CNTNAP2: variants seen among roughly 807,000 people sequenced by gnomAD.
CNTNAP2 encodes contactin associated protein 2.
A neutral mutation model predicts 155.2 loss-of-function variants in CNTNAP2; 98 were observed. The observed-to-expected ratio is 0.63, with a 90% CI of 0.54 to 0.75. The LOEUF is 0.75. CNTNAP2 is among the 30% of genes least tolerant of loss of function. The pLI, the probability that CNTNAP2 is intolerant of heterozygous loss-of-function variation, is 0.00. For missense variants in CNTNAP2, 1,727 were observed against 1,688.1 expected, an observed-to-expected ratio of 1.02 and a Z score of -0.40; for synonymous variants, 651 against 631.2, an observed-to-expected ratio of 1.03 and a Z score of -0.47.
chr7:147,837,834 C>T (rs1281214508), intron 13 of CNTNAP2, among the ~76,000 whole-genome samples: 1 of 152,190 alleles, frequency 6.6e-6, no homozygotes, highest in Non-Finnish European at 1.5e-5. Context: ...TGATGGTGGG[C>T]TCTCACAGCC....
chr7:147,549,229 G>A (rs964360612), intron 11 of CNTNAP2, among the ~76,000 whole-genome samples: 19 of 152,032 alleles, frequency 1.2e-4, no homozygotes, highest in Admixed American at 2.0e-4. Context: ...CTTCCTCTCC[G>A]TGAGGATGAA....
chr7:147,869,532 AGCACATCACCGTCAAG>A (rs1188158489), intron 13 of CNTNAP2, among the ~76,000 whole-genome samples: 1 of 152,256 alleles, frequency 6.6e-6, no homozygotes, highest in Non-Finnish European at 1.5e-5. Context: ...AGGGAGAATC[AGCACATCACCGTCAAG>A]GAAAACAAGT....
At chr7:148,263,886 A>G (rs944740113) in intron 20 of CNTNAP2, among the ~76,000 whole-genome samples, 1 of 150,556 alleles carries the variant, frequency 6.6e-6, no homozygotes, top group Non-Finnish European at 1.5e-5. Context: ...CTCAGCAAAA[A>G]TAATATAAAA....
intron 20 of CNTNAP2, among the ~76,000 whole-genome samples, chr7:148,257,676 C>T (rs949945512): frequency 1.3e-5 from 2 of 152,154 alleles, no homozygotes; most frequent in Non-Finnish European, 2.9e-5. Context: ...ACAAGTTGCA[C>T]TGAAATCAAG....
Position 148,415,860 on chromosome 7 carries a change from T to C in CNTNAP2, c.*244T>C. 1.7e-6 allele frequency: 1 copy of C among 587,276 alleles called. No individual in the cohort carries two copies. The highest frequency in any genetic ancestry group is 3.0e-6 in the Non-Finnish European group (1 of 334,000). The allele number at this position is 587,276 out of a possible 1,614,324, so 36.4% of individuals were successfully genotyped here. A position where few individuals can be genotyped will look rare whatever the true frequency, so the allele number is the denominator to read the frequency against. On this transcript the variant is annotated 3_prime_UTR_variant, in exon 24 of 24. Transcript: ENST00000361727. ...AAAACAAAATAATACAAAAAATGCTTTTAGAGTTTAAGCAATGGTTGAAAT... is the reference window on the plus strand; with the variant it reads ...AAAACAAAATAATACAAAAAATGCTCTTAGAGTTTAAGCAATGGTTGAAAT...
intron 21 of CNTNAP2, among the ~76,000 whole-genome samples, chr7:148,290,774 A>G (rs73466203): frequency 0.05 from 7,574 of 152,222 alleles, 213 homozygotes; most frequent in African/African-American, 0.058. Flanking sequence ...TCACCTCTTT[A>G]CAAAGCCCTT....
At chr7:146,387,039 A>G (rs1795471163) in intron 1 of CNTNAP2, among the ~76,000 whole-genome samples, 1 of 152,170 alleles carries the variant, frequency 6.6e-6, no homozygotes, top group African/African-American at 2.4e-5. Context: ...CCCAAATCAC[A>G]GTCCCCACCC....
intron 11 of CNTNAP2, among the ~76,000 whole-genome samples, chr7:147,517,050 A>G (rs1237250316): frequency 3.4e-5 from 5 of 148,862 alleles, no homozygotes; most frequent in Non-Finnish European, 5.9e-5. Flanking sequence ...TTGTATTTTT[A>G]GTAGAGACCA....
intron 1 of CNTNAP2, among the ~76,000 whole-genome samples, chr7:146,702,775 GT>G (rs2129173622): frequency 6.6e-6 from 1 of 152,188 alleles, no homozygotes; most frequent in African/African-American, 2.4e-5. Flanking sequence ...CTGTATTTGT[GT>G]TTTTAATCAA....
chr7:148,341,461 T>C (rs1474152594), intron 21 of CNTNAP2, among the ~76,000 whole-genome samples: 1 of 152,188 alleles, frequency 6.6e-6, no homozygotes, highest in African/African-American at 2.4e-5. Context: ...TACTATTAAC[T>C]ATAATAATTA....
At chr7:146,177,544 A>T (rs1177212777) in intron 1 of CNTNAP2, among the ~76,000 whole-genome samples, 4 of 152,208 alleles carry the variant, frequency 2.6e-5, no homozygotes, top group Admixed American at 2.6e-4. Context: ...GAACCAGTCC[A>T]GCTGTTATAC....
intron 13 of CNTNAP2, among the ~76,000 whole-genome samples, chr7:147,799,197 G>A (rs984469402): frequency 6.6e-6 from 1 of 152,172 alleles, no homozygotes; most frequent in African/African-American, 2.4e-5. Context: ...AAGAATGGTA[G>A]ACATTTACTT....
At chr7:147,700,239 A>G (rs1409011423) in intron 13 of CNTNAP2, among the ~76,000 whole-genome samples, 1 of 152,200 alleles carries the variant, frequency 6.6e-6, no homozygotes, top group Non-Finnish European at 1.5e-5. Flanking sequence ...ATATGATGCT[A>G]TAATTTACCA....
intron 8 of CNTNAP2, among the ~76,000 whole-genome samples, chr7:147,253,521 G>A (rs1003642023): frequency 1.3e-5 from 2 of 151,918 alleles, no homozygotes; most frequent in African/African-American, 4.8e-5. Flanking sequence ...GTATGAGGAT[G>A]AAAGGATCCA....
intron 1 of CNTNAP2, among the ~76,000 whole-genome samples, chr7:146,571,965 C>G (rs933910990): frequency 1.3e-5 from 2 of 152,170 alleles, no homozygotes; most frequent in Admixed American, 1.3e-4. Context: ...ATGATCCCCC[C>G]ACCTCGGCCT....
intron 12 of CNTNAP2, among the ~76,000 whole-genome samples, chr7:147,572,785 A>G (rs899176477): frequency 2.0e-5 from 3 of 152,056 alleles, no homozygotes; most frequent in African/African-American, 7.2e-5. Flanking sequence ...TCAAAAATCA[A>G]AAACCACAGG....
intron 10 of CNTNAP2, among the ~76,000 whole-genome samples, chr7:147,484,034 T>C (rs1798470439): frequency 6.6e-6 from 1 of 152,102 alleles, no homozygotes; most frequent in African/African-American, 2.4e-5. Flanking sequence ...TTGTTTATCA[T>C]CCACTTGTAA....
intron 12 of CNTNAP2, among the ~76,000 whole-genome samples, chr7:147,607,214 A>G (rs1012093505): frequency 2.0e-5 from 3 of 151,774 alleles, no homozygotes; most frequent in East Asian, 1.9e-4. Context: ...ATTTTCTTCC[A>G]AGGGAAGTTC....
At chr7:147,546,394 ATTAC>A (rs767300074) in intron 11 of CNTNAP2, among the ~76,000 whole-genome samples, 3 of 152,176 alleles carry the variant, frequency 2.0e-5, no homozygotes, top group Non-Finnish European at 2.9e-5. Flanking sequence ...AACAGTTTAT[ATTAC>A]TTATATATTA....
Sources: gnomAD v4.1 joint callset for allele counts (sites outside exome capture counted in the v4.1 genomes callset) on GRCh38, gnomAD v4.1.1 for gene constraint, MANE v1.5 for transcripts, NCBI Gene and HGNC (gene_info 2026-07-23, HGNC 2026-07-21) for gene names.